Variants in TTLL7 observed in about 807,000 individuals in gnomAD.
The protein encoded by TTLL7 is tubulin tyrosine ligase like 7.
Under a neutral mutation model 120.2 loss-of-function variants are expected in TTLL7, and 53 were observed. The observed-to-expected ratio is 0.44, with a 90% confidence interval of 0.35 to 0.55. TTLL7 has a LOEUF of 0.55. Ranked by LOEUF, TTLL7 falls within the 20% of genes least tolerant of loss-of-function variation. The probability of loss-of-function intolerance (pLI) is 0.00; values close to 1 mark genes in which losing one functional copy is unlikely to be tolerated. For missense variants in TTLL7, 803 were observed against 1,054.7 expected (o/e 0.76, Z 3.31); for synonymous variants, 353 against 351.7 (o/e 1.00, Z -0.04).
intron 1 of TTLL7, among the ~76,000 whole-genome samples, chr1:83,976,033 C>CTCTCTCTCTG (rs1241354482): frequency 9.5e-5 from 14 of 147,932 alleles, no homozygotes; most frequent in African/African-American, 2.2e-4. Flanking sequence ...TTGTCTCTCT[C>CTCTCTCTCTG]TGTGTGTGTG....
chr1:83,885,763 T>C (rs943844859), intron 19 of TTLL7, among the ~76,000 whole-genome samples: 12 of 152,098 alleles, frequency 7.9e-5, no homozygotes, highest in Admixed American at 7.2e-4. Flanking sequence ...CTGGCATAGC[T>C]GAGTAGTTGT....
chr1:83,960,252 TC>T (rs1439441369), intron 1 of TTLL7, among the ~76,000 whole-genome samples: 2 of 152,176 alleles, frequency 1.3e-5, no homozygotes, highest in African/African-American at 4.8e-5. Flanking sequence ...ACTGAAGGAC[TC>T]TAAGAGGAGT....
intron 17 of TTLL7, among the ~76,000 whole-genome samples, chr1:83,904,874 G>A (rs1289898187): frequency 1.3e-5 from 2 of 151,914 alleles, no homozygotes; most frequent in Non-Finnish European, 2.9e-5. Flanking sequence ...ATATACTGTA[G>A]TAAACAGATT....
At chr1:83,892,309 A>T (rs368207075) in intron 18 of TTLL7, among the ~76,000 whole-genome samples, 2 of 71,884 alleles carry the variant, frequency 2.8e-5, no homozygotes, top group Non-Finnish European at 7.1e-5. Flanking sequence ...TATATATACG[A>T]ATATATATGA....
intron 6 of TTLL7, among the ~76,000 whole-genome samples, chr1:83,943,461 GTTA>G (rs1191567964): frequency 6.6e-6 from 1 of 152,178 alleles, no homozygotes; most frequent in African/African-American, 2.4e-5. Context: ...TTGTTTGCAT[GTTA>G]AAGGCATGTC....
At chr1:83,889,110 TG>T (rs1275088700) in intron 19 of TTLL7, among the ~76,000 whole-genome samples, 1 of 152,120 alleles carries the variant, frequency 6.6e-6, no homozygotes, top group African/African-American at 2.4e-5. Context: ...TCAGCATGGC[TG>T]GGGAAGCCTC....
At chr1:83,998,594 AT>A (rs2100670854) in intron 1 of TTLL7, among the ~76,000 whole-genome samples, 1 of 152,342 alleles carries the variant, frequency 6.6e-6, no homozygotes, top group African/African-American at 2.4e-5. Context: ...GAATTACAGA[AT>A]AAACCAGCAG....
chr1:83,894,062 T>A (rs1335904137), intron 18 of TTLL7, among the ~76,000 whole-genome samples: 1 of 152,164 alleles, frequency 6.6e-6, no homozygotes, highest in Admixed American at 6.6e-5. Context: ...TAACTCTTTA[T>A]ATTTTTTAGT....
intron 13 of TTLL7, among the ~76,000 whole-genome samples, chr1:83,919,094 G>C (rs1432690158): frequency 6.6e-6 from 1 of 151,928 alleles, no homozygotes; most frequent in Admixed American, 6.6e-5. Context: ...GCCCCAGTTG[G>C]GCATTCAGAT....
At chr1:83,955,681 A>G (rs1247599407) in intron 1 of TTLL7, among the ~76,000 whole-genome samples, 1 of 152,238 alleles carries the variant, frequency 6.6e-6, no homozygotes, top group Non-Finnish European at 1.5e-5. Flanking sequence ...GCGTTTTGTT[A>G]TAGCAGCACA....
In TTLL7 at chr1:83,891,246, T is replaced by C. The variant is rs538341217; in HGVS notation, c.2209-765A>G. 9.2e-5 allele frequency among the ~76,000 whole-genome samples: 14 copies of C among 151,726 alleles called. 2 individuals are homozygous for C. The highest frequency in any genetic ancestry group is 2.4e-5 in the African/African-American group (1 of 41,332). ...TCCAGCAAAACATTAGTATCAGGAA[T>C]ATATAAAGAATGTTTACCAAAATTT... On this transcript the variant is annotated intron_variant, in intron 18 of 20. Transcript: ENST00000260505.
At chr1:83,920,926 C>A (rs1658595751) in intron 12 of TTLL7, among the ~76,000 whole-genome samples, 161 bp downstream of exon 12, 1 of 152,068 alleles carries the variant, frequency 6.6e-6, no homozygotes, top group South Asian at 2.1e-4. Flanking sequence ...GCTGAACCAT[C>A]TCCCTGCTGA....
chr1:83,986,381 C>T (rs887384995), intron 1 of TTLL7, among the ~76,000 whole-genome samples: 1 of 152,118 alleles, frequency 6.6e-6, no homozygotes. Flanking sequence ...ACATCCATAT[C>T]AATTGATACT....
rs375035907 is a variant in TTLL7, at chr1:83,890,396, C to A, written c.2294G>T (p.Arg765Leu). 6.2e-7 allele frequency: 1 copy of A among 1,613,236 alleles called. No homozygotes were observed. The highest frequency in any genetic ancestry group is 8.5e-7 in the Non-Finnish European group (1 of 1,179,568). ...VPDVEEVNLY[R>L]IFNRVFNRLL... Reference sequence around the variant, plus strand: ...GCGATTAAAAACCCGGTTGAAAATCCGATATAAATTTACTTCTTCAACATC... The same window carrying A: ...GCGATTAAAAACCCGGTTGAAAATCAGATATAAATTTACTTCTTCAACATC... Residue 765 changes from arginine to leucine, a missense_variant, in exon 19 of 21, where the codon CGG becomes CTG. Transcript: ENST00000260505.
chr1:83,973,482 A>AACTAT (rs1338380299), intron 1 of TTLL7, among the ~76,000 whole-genome samples: 4 of 152,094 alleles, frequency 2.6e-5, no homozygotes, highest in African/African-American at 9.6e-5. Flanking sequence ...TTTTATAGTA[A>AACTAT]GTCTTAAAGT....
chr1:83,964,126 G>C (rs1008299454), intron 1 of TTLL7, among the ~76,000 whole-genome samples: 3 of 152,150 alleles, frequency 2.0e-5, no homozygotes, highest in African/African-American at 7.2e-5. Context: ...CCTCTCCAAA[G>C]AAAACTAATT....
intron 18 of TTLL7, 69 bp from the exon 19 acceptor site, chr1:83,890,550 T>C: frequency 7.4e-7 from 1 of 1,356,018 alleles, no homozygotes; most frequent in South Asian, 1.4e-5. Flanking sequence ...AAGATGTAGC[T>C]TGAGCTCAGG....
chr1:83,867,183 A>C lies in TTLL7; in HGVS notation c.*2779T>G, dbSNP rs1373966014. 1.3e-5 allele frequency: 2 copies of C among 152,014 alleles called. No homozygotes were observed. Among genetic ancestry groups the C allele is most frequent in the Admixed American group, 1.3e-4 (2 of 15,264 alleles). 9.4% of individuals were successfully genotyped at this position (152,014 alleles called of 1,614,324 possible). On this transcript the variant is annotated 3_prime_UTR_variant, in exon 21 of 21. Transcript: ENST00000260505. Reference sequence around the variant, plus strand: ...TTATATGTTTTAACCTATGAATAAAAATTTATAATAAAAACTTGGGAATAT... The same window carrying C: ...TTATATGTTTTAACCTATGAATAAACATTTATAATAAAAACTTGGGAATAT...
intron 1 of TTLL7, among the ~76,000 whole-genome samples, chr1:83,973,352 C>T (rs763867915): frequency 1.3e-5 from 2 of 152,080 alleles, no homozygotes; most frequent in Non-Finnish European, 2.9e-5. Context: ...ATTGCCTTTG[C>T]ATCATTGTCA....
Sources: allele counts gnomAD v4.1 joint callset (sites outside exome capture counted in the v4.1 genomes callset), GRCh38; gene constraint gnomAD v4.1.1; transcripts MANE v1.5; gene names NCBI Gene and HGNC (gene_info 2026-07-23, HGNC 2026-07-21).